The following PIWIL4 variants were observed in gnomAD, a reference collection of about 807,000 sequenced individuals.
PIWIL4 encodes the protein piwi-like protein 4.
Under a neutral mutation model 100.9 loss-of-function variants are expected in PIWIL4, and 50 were observed. That is an observed-to-expected ratio of 0.50 (90% CI 0.39 to 0.63). The LOEUF is 0.63. Ranked by LOEUF, PIWIL4 falls within the 20% of genes least tolerant of loss-of-function variation. PIWIL4 has a pLI of 0.00. For missense variants in PIWIL4, 887 were observed against 1,043.3 expected (o/e 0.85, Z 2.06); for synonymous variants, 342 against 367.5 (o/e 0.93, Z 0.79).
rs1565274714 is a variant in PIWIL4, at chr11:94,589,103, AC to A, written c.915-17del. ...TAGATGATTAAAAAACAATTTAAAG[AC>A]TTTTTATATTTGGCAGATACAATAA... is the stretch of plus-strand genomic sequence containing the variant. On this transcript the variant is annotated splice_polypyrimidine_tract_variant and intron_variant, in intron 7 of 19. Coordinates refer to ENST00000299001, the MANE Select transcript of PIWIL4 (RefSeq NM_152431.3). 1 of 1,562,448 alleles carries A rather than the reference AC, an allele frequency of 6.4e-7. No individual in the cohort carries two copies. Among genetic ancestry groups the A allele is most frequent in the East Asian group, 2.2e-5 (1 of 44,612 alleles).
In PIWIL4 at chr11:94,567,655, T is replaced by G. The variant is rs374191858; in HGVS notation, c.87+50T>G. On this transcript the variant is annotated intron_variant, in intron 1 of 19. Coordinates refer to ENST00000299001, the MANE Select transcript of PIWIL4 (RefSeq NM_152431.3). Reference sequence around the variant, plus strand: ...GGTTTCGTTTTCTCCTACCTCTGTCTCTAGCCTGAACAATGCCTTCCTCTG... The same window carrying G: ...GGTTTCGTTTTCTCCTACCTCTGTCGCTAGCCTGAACAATGCCTTCCTCTG... 13 of 1,513,402 alleles carry G rather than the reference T, an allele frequency of 8.6e-6. No individual in the cohort carries two copies. In the African/African-American group the frequency reaches 1.8e-4, roughly 21 times the overall value. 93.7% of individuals were successfully genotyped at this position (1,513,402 alleles called of 1,614,324 possible).
In PIWIL4 at chr11:94,607,458, C is replaced by G. The variant is rs1591800729; in HGVS notation, c.1658C>G (p.Ser553Cys). ...TTTTAGGTAATGTGCATTCTGCCTT[C>G]TAATCAGAAGACCTATTATGATTCC... is the stretch of plus-strand genomic sequence containing the variant. ...DVQLVMCILPSNQKTYYDSIK... is the reference protein window; with the variant it reads ...DVQLVMCILPCNQKTYYDSIK... The change falls in exon 14 of 20, where the codon TCT (serine) becomes TGT (cysteine). Residue 553 changes from serine to cysteine, a missense_variant. Around this residue, in one of 2 missense-constraint regions of PIWIL4, gnomAD observed 741 missense variants for 930.0 expected, o/e 0.80. Coordinates refer to ENST00000299001, the MANE Select transcript of PIWIL4 (RefSeq NM_152431.3). The G allele has an allele frequency of 6.2e-7, 1 of 1,613,928 alleles. No homozygotes were observed. The highest frequency in any genetic ancestry group is 2.2e-5 in the East Asian group (1 of 44,866).
At position 94,620,796 on chromosome 11, in the gene PIWIL4, T is replaced by C. The variant is rs146832127; in HGVS notation, c.2443-80T>C. On this transcript the variant is annotated intron_variant, in intron 19 of 19. Coordinates refer to ENST00000299001, the MANE Select transcript of PIWIL4 (RefSeq NM_152431.3). ...CCCATTCTATTATCTGTGTAACCAG[T>C]AGACAAAGTAAAATCAGAAAAAATC... is the stretch of plus-strand genomic sequence containing the variant. The C allele has an allele frequency of 9.1e-4, 960 of 1,053,848 alleles. 2 individuals carry two copies. Among genetic ancestry groups the C allele is most frequent in the South Asian group, 2.4e-3 (176 of 71,918 alleles). The allele number at this position is 1,053,848 out of a possible 1,614,324, so 65.3% of individuals were successfully genotyped here. A position where few individuals can be genotyped will look rare whatever the true frequency, so the allele number is the denominator to read the frequency against.
At chr11:94,608,713 G>A in intron 15 of PIWIL4, 27 bp downstream of exon 15, 1 of 1,561,914 alleles carries the variant, frequency 6.4e-7, no homozygotes, top group Non-Finnish European at 8.8e-7. Context: ...CTGAACACAT[G>A]CTTCATTTAG....
intron 11 of PIWIL4, among the ~76,000 whole-genome samples, chr11:94,599,240 AGTC>A (rs1310064388): frequency 1.3e-5 from 2 of 152,220 alleles, no homozygotes; most frequent in Non-Finnish European, 2.9e-5. Context: ...CTATAAGTAA[AGTC>A]GTATTTCCCA....
intron 7 of PIWIL4, among the ~76,000 whole-genome samples, chr11:94,588,839 G>A (rs1263400328): frequency 1.3e-5 from 2 of 152,194 alleles, no homozygotes; most frequent in Non-Finnish European, 2.9e-5. Flanking sequence ...TTTACCTGAA[G>A]TTAGAGTATC....
In PIWIL4 at chr11:94,616,479, T is replaced by C. The variant is rs1194002192; in HGVS notation, c.1944-14T>C. 1.3e-6 allele frequency: 2 copies of C among 1,578,332 alleles called. No individual in the cohort carries two copies. Among genetic ancestry groups the C allele is most frequent in the East Asian group, 4.5e-5 (2 of 44,616 alleles). Reference sequence around the variant, plus strand: ...GAAGTTGAATTTTACTTTTATTTTTTTTTTTAACTTTAGGTGGTTTTCCCG... The same window carrying C: ...GAAGTTGAATTTTACTTTTATTTTTCTTTTTAACTTTAGGTGGTTTTCCCG... On this transcript the variant is annotated splice_polypyrimidine_tract_variant and intron_variant, in intron 15 of 19. Coordinates refer to ENST00000299001, the MANE Select transcript of PIWIL4 (RefSeq NM_152431.3).
At position 94,616,626 on chromosome 11, in the gene PIWIL4, A is replaced by G. The variant is rs1231769347; in HGVS notation, c.2014+63A>G. On this transcript the variant is annotated intron_variant, in intron 16 of 19. Coordinates refer to ENST00000299001, the MANE Select transcript of PIWIL4 (RefSeq NM_152431.3). Reference sequence around the variant, plus strand: ...CTGTTCCTTCAGACCTCAAATCCACATGCTTATAGAAGACCACATAGGTCA... The same window carrying G: ...CTGTTCCTTCAGACCTCAAATCCACGTGCTTATAGAAGACCACATAGGTCA... 1.3e-5 allele frequency: 18 copies of G among 1,340,702 alleles called. No individual in the cohort carries two copies. The African/African-American group carries it at 1.8e-4, about 13-fold the overall frequency. 83.1% of individuals were successfully genotyped at this position (1,340,702 alleles called of 1,614,324 possible).
At chr11:94,607,388 C>A in intron 13 of PIWIL4, 51 bp from the exon 14 acceptor site, 1 of 1,523,212 alleles carries the variant, frequency 6.6e-7, no homozygotes, top group South Asian at 1.1e-5. Context: ...AAAGCAACTT[C>A]TTAGCAGAAG....
At chr11:94,579,439 G>T (rs1948285222) in intron 4 of PIWIL4, among the ~76,000 whole-genome samples, 1 of 152,102 alleles carries the variant, frequency 6.6e-6, no homozygotes. Flanking sequence ...CAATTTCTGT[G>T]TGAAAAATTA....
chr11:94,616,355 T>C (rs529970086), intron 15 of PIWIL4, 138 bp from the exon 16 acceptor site: 12 of 717,120 alleles, frequency 1.7e-5, no homozygotes, highest in Non-Finnish European at 2.7e-5. Flanking sequence ...TTTGATATAA[T>C]TGTGAACACA....
intron 19 of PIWIL4, 46 bp downstream of exon 19, chr11:94,620,190 C>T: frequency 1.3e-6 from 2 of 1,519,650 alleles, no homozygotes; most frequent in Non-Finnish European, 1.8e-6. Flanking sequence ...ACTCAAGAGT[C>T]CCACCTAGGA....
chr11:94,589,281 G>A, intron 8 of PIWIL4, 49 bp downstream of exon 8: 7 of 1,471,838 alleles, frequency 4.8e-6, no homozygotes, highest in Non-Finnish European at 6.6e-6. Context: ...TTACCTCAGA[G>A]AAGTCTCCTT....
At chr11:94,608,536 G>A (rs1948750343) in intron 14 of PIWIL4, 47 bp from the exon 15 acceptor site, 1 of 1,511,970 alleles carries the variant, frequency 6.6e-7, no homozygotes, top group African/African-American at 1.4e-5. Flanking sequence ...ATTGGTAGGG[G>A]AAATGATACC....
chr11:94,587,148 C>T lies in PIWIL4; in HGVS notation c.815C>T (p.Thr272Met), dbSNP rs752333176. The part of the protein sequence containing the change: ...DVSYKVLRNE[T>M]VLEFMTALCQ... ...AGTTACAAAGTCCTCCGGAATGAGACGGTTCTGGAATTCATGACTGCTCTC... is the reference window on the plus strand; with the variant it reads ...AGTTACAAAGTCCTCCGGAATGAGATGGTTCTGGAATTCATGACTGCTCTC... The change falls in exon 7 of 20, where the codon ACG (threonine) becomes ATG (methionine). Residue 272 changes from threonine (T) to methionine (M), a missense_variant. Coordinates refer to ENST00000299001, the MANE Select transcript of PIWIL4 (RefSeq NM_152431.3). The T allele has an allele frequency of 3.1e-6, 5 of 1,613,974 alleles. 1 individual carries two copies. The highest frequency in any genetic ancestry group is 2.2e-5 in the South Asian group (2 of 91,086).
In PIWIL4 at chr11:94,620,861, C is replaced by T; in HGVS notation, c.2443-15C>T. 6.3e-7 allele frequency: 1 copy of T among 1,585,568 alleles called. No homozygotes were observed. Among genetic ancestry groups the T allele is most frequent in the Non-Finnish European group, 8.7e-7 (1 of 1,155,826 alleles). On this transcript the variant is annotated splice_polypyrimidine_tract_variant and intron_variant, in intron 19 of 19. Coordinates refer to ENST00000299001, the MANE Select transcript of PIWIL4 (RefSeq NM_152431.3). ...GGTAATCTCTTAATTATTATCAATA[C>T]TTTTTTCTCCTCAGGGCATAGTCAG...
intron 15 of PIWIL4, among the ~76,000 whole-genome samples, chr11:94,612,315 G>GTT (rs35206610): frequency 3.5e-5 from 5 of 143,422 alleles, no homozygotes; most frequent in South Asian, 2.2e-4. Context: ...TTTTTGTGAG[G>GTT]TTTTTTTTTT....
chr11:94,604,085 TTAATC>T, intron 13 of PIWIL4, 29 bp downstream of exon 13: 3 of 1,438,278 alleles, frequency 2.1e-6, no homozygotes, highest in Non-Finnish European at 2.9e-6. Flanking sequence ...TTGAACTCCT[TTAATC>T]TATAATTTTA....
chr11:94,600,055 C>T (rs540496513), intron 11 of PIWIL4, among the ~76,000 whole-genome samples: 1 of 152,046 alleles, frequency 6.6e-6, no homozygotes, highest in Non-Finnish European at 1.5e-5. Flanking sequence ...TGGATCTTCC[C>T]CACTTGCTGT....
Sources: gnomAD v4.1 joint callset for allele counts (sites outside exome capture counted in the v4.1 genomes callset) on GRCh38, gnomAD v4.1.1 for gene constraint, gnomAD v4.1.1 regional missense constraint, MANE v1.5 for transcripts, NCBI Gene and HGNC (gene_info 2026-07-23, HGNC 2026-07-21) for gene names.